PTPRT: variants seen among roughly 807,000 people sequenced by gnomAD.
PTPRT encodes protein tyrosine phosphatase receptor type T, also known as receptor-type tyrosine-protein phosphatase T.
Under a neutral mutation model 176.8 loss-of-function variants are expected in PTPRT, and 56 were observed. That is an observed-to-expected ratio of 0.32 (90% confidence interval 0.26 to 0.40). PTPRT has a LOEUF of 0.40. Ranked by LOEUF, PTPRT falls within the 10% of genes least tolerant of loss-of-function variation. The pLI, the probability that PTPRT is intolerant of heterozygous loss-of-function variation, is 1.00. For synonymous variants in PTPRT, 783 were observed against 739.0 expected (o/e 1.06, Z -0.96); for missense variants, 1,540 against 1,908.2 (o/e 0.81, Z 3.60).
chr20:42,313,243 T>C (rs775445687), intron 12 of PTPRT, among the ~76,000 whole-genome samples: 2 of 152,142 alleles, frequency 1.3e-5, no homozygotes, highest in African/African-American at 4.8e-5. Context: ...GTTTAGCATA[T>C]CAAGGAATAG....
chr20:43,155,765 CA>C (rs534050771), intron 1 of PTPRT, among the ~76,000 whole-genome samples: 194 of 152,190 alleles, frequency 1.3e-3, no homozygotes, highest in African/African-American at 4.6e-3. Flanking sequence ...CTATATATGT[CA>C]AAACATCATG....
chr20:42,988,834 T>C (rs1238993167), intron 1 of PTPRT, among the ~76,000 whole-genome samples: 1 of 152,176 alleles, frequency 6.6e-6, no homozygotes, highest in Non-Finnish European at 1.5e-5. Context: ...GAGGTGACAG[T>C]GTGCCTTGTG....
At chr20:42,583,226 T>C (rs772872572) in intron 7 of PTPRT, among the ~76,000 whole-genome samples, 1 of 152,200 alleles carries the variant, frequency 6.6e-6, no homozygotes, top group African/African-American at 2.4e-5. Flanking sequence ...TAGTCCTAAA[T>C]AGAACTTTGG....
intron 4 of PTPRT, 101 bp downstream of exon 4, chr20:42,780,117 G>T: frequency 1.1e-6 from 1 of 927,812 alleles, no homozygotes. Flanking sequence ...AAGAGAGAGT[G>T]AGAGATGTTT....
chr20:42,630,919 C>G (rs1030420531), intron 7 of PTPRT, among the ~76,000 whole-genome samples: 3 of 152,108 alleles, frequency 2.0e-5, no homozygotes, highest in African/African-American at 4.8e-5. Flanking sequence ...TGATTGAAGT[C>G]TCTTCTACCA....
chr20:42,538,099 G>T (rs897446191), intron 7 of PTPRT, among the ~76,000 whole-genome samples: 1 of 151,706 alleles, frequency 6.6e-6, no homozygotes, highest in Non-Finnish European at 1.5e-5. Flanking sequence ...TTATCTTACA[G>T]ATGTGGAAAG....
chr20:43,071,990 C>A (rs2011187336), intron 1 of PTPRT, among the ~76,000 whole-genome samples: 1 of 152,178 alleles, frequency 6.6e-6, no homozygotes, highest in African/African-American at 2.4e-5. Context: ...TCTATGTGGG[C>A]CATTCTAGAC....
intron 7 of PTPRT, among the ~76,000 whole-genome samples, chr20:42,596,689 C>T (rs941063986): frequency 1.3e-5 from 2 of 152,130 alleles, no homozygotes; most frequent in African/African-American, 4.8e-5. Context: ...CATGATTAAG[C>T]AAATACCAAA....
At chr20:42,347,767 G>A (rs1307494507) in intron 11 of PTPRT, among the ~76,000 whole-genome samples, 1 of 152,160 alleles carries the variant, frequency 6.6e-6, no homozygotes, top group African/African-American at 2.4e-5. Context: ...CCTGACTCCT[G>A]TCTCCTTGTT....
At chr20:42,433,586 C>T (rs1022033873) in intron 9 of PTPRT, among the ~76,000 whole-genome samples, 1 of 152,182 alleles carries the variant, frequency 6.6e-6, no homozygotes, top group Non-Finnish European at 1.5e-5. Flanking sequence ...AGTCAGGGCA[C>T]ACACTTGCCC....
chr20:42,697,350 T>C (rs1474894239), intron 6 of PTPRT, among the ~76,000 whole-genome samples: 2 of 152,254 alleles, frequency 1.3e-5, no homozygotes, highest in African/African-American at 4.8e-5. Context: ...AAACATTTGG[T>C]TAACCCAGTG....
chr20:42,976,056 AAATG>A (rs1166842890), intron 1 of PTPRT, among the ~76,000 whole-genome samples: 1 of 152,206 alleles, frequency 6.6e-6, no homozygotes, highest in Non-Finnish European at 1.5e-5. Flanking sequence ...ACAGATAAGA[AAATG>A]AATGTATACA....
Position 42,998,628 on chromosome 20 carries a change from A to G in PTPRT, c.89-112696T>C, listed in dbSNP as rs573109034. Among the ~76,000 whole-genome samples the G allele has an allele frequency of 1.2e-3, 176 of 152,334 alleles. 1 individual carries two copies. Among genetic ancestry groups the G allele is most frequent in the Middle Eastern group, 6.8e-3 (2 of 294 alleles). On this transcript the variant is annotated intron_variant, in intron 1 of 30. Transcript: ENST00000373187. ...CAATAAATATTAGTGGAATCAAAAG[A>G]ACTTTTATCACCAAGATCATCTCTC...
At chr20:42,866,778 ACTTACGTGTGATTTTAGATAAAAT>A (rs1481840652) in intron 2 of PTPRT, among the ~76,000 whole-genome samples, 1 of 152,160 alleles carries the variant, frequency 6.6e-6, no homozygotes, top group Non-Finnish European at 1.5e-5. Context: ...TGCCTCTGCC[ACTTACGTGTGATTTTAGATAAAAT>A]CACACTGCCA....
At chr20:42,111,233 C>CTATT (rs776508036) in intron 22 of PTPRT, among the ~76,000 whole-genome samples, 10 of 152,202 alleles carry the variant, frequency 6.6e-5, no homozygotes, top group Non-Finnish European at 1.5e-4. Flanking sequence ...CTGTTCCCTA[C>CTATT]TATTTTTCTA....
intron 1 of PTPRT, among the ~76,000 whole-genome samples, chr20:43,148,143 A>G (rs904832942): frequency 2.6e-4 from 40 of 151,996 alleles, no homozygotes; most frequent in Admixed American, 9.8e-4. Flanking sequence ...TCCATGTTTA[A>G]CCTCATCTTG....
At chr20:42,339,458 A>C (rs536969310) in intron 11 of PTPRT, among the ~76,000 whole-genome samples, 1 of 152,310 alleles carries the variant, frequency 6.6e-6, no homozygotes, top group Admixed American at 6.5e-5. Flanking sequence ...CAAAAGCTGT[A>C]AACTCAACAG....
At chr20:42,196,090 A>T (rs1991207084) in intron 16 of PTPRT, among the ~76,000 whole-genome samples, 1 of 152,232 alleles carries the variant, frequency 6.6e-6, no homozygotes, top group South Asian at 2.1e-4. Context: ...GGTCACAATG[A>T]TTGTCAAGAA....
At chr20:43,115,401 G>A (rs780928457) in intron 1 of PTPRT, among the ~76,000 whole-genome samples, 10 of 152,252 alleles carry the variant, frequency 6.6e-5, no homozygotes, top group East Asian at 5.8e-4. Flanking sequence ...ATCAAGAAAC[G>A]TTCTCTGGGA....
Sources: allele counts gnomAD v4.1 joint callset (sites outside exome capture counted in the v4.1 genomes callset), GRCh38; gene constraint gnomAD v4.1.1; transcripts MANE v1.5; gene names NCBI Gene and HGNC (gene_info 2026-07-23, HGNC 2026-07-21).